Variants in SLC24A2 observed in about 807,000 individuals in gnomAD.
SLC24A2 encodes the protein solute carrier family 24 member 2, also known as sodium/potassium/calcium exchanger 2.
Under a neutral mutation model 62.0 loss-of-function variants are expected in SLC24A2, and 36 were observed. The ratio of observed to expected loss-of-function variants is 0.58; its 90% confidence interval spans 0.44 to 0.77. The LOEUF (loss-of-function observed/expected upper bound fraction) is 0.77, where lower values mean the gene tolerates loss of function less well. Among genes scored for constraint, SLC24A2 ranks in the 30% least tolerant of loss-of-function variants. The pLI, the probability that SLC24A2 is intolerant of heterozygous loss-of-function variation, is 0.00. For missense variants in SLC24A2, 846 were observed against 817.9 expected, an observed-to-expected ratio of 1.03 and a Z score of -0.42; for synonymous variants, 358 against 294.0, an observed-to-expected ratio of 1.22 and a Z score of -2.23.
chr9:19,874,034 AT>A, the SLC24A2 span, among the ~76,000 whole-genome samples: 1 of 151,666 alleles, frequency 6.6e-6, no homozygotes, highest in Admixed American at 6.6e-5. Context: ...TAAAAATTCT[AT>A]AAACTCGTAC....
At chr9:20,306,978 CTTA>C in the SLC24A2 span, among the ~76,000 whole-genome samples, 1 of 152,042 alleles carries the variant, frequency 6.6e-6, no homozygotes, top group Non-Finnish European at 1.5e-5. Flanking sequence ...GATTACAGAT[CTTA>C]ATGTTATTTT....
chr9:20,156,075 T>C, the SLC24A2 span, among the ~76,000 whole-genome samples: 1 of 151,792 alleles, frequency 6.6e-6, no homozygotes, highest in Admixed American at 6.6e-5. Context: ...TTCCCTCAGG[T>C]AATTAGTTTC....
At chr9:20,010,454 G>A in the SLC24A2 span, among the ~76,000 whole-genome samples, 1 of 152,062 alleles carries the variant, frequency 6.6e-6, no homozygotes, top group Non-Finnish European at 1.5e-5. Flanking sequence ...TAATCCTCTT[G>A]AAGAAGTTCA....
At chr9:19,788,507 TA>T (rs1206069913) in intron 1 of SLC24A2, 1 of 985,170 alleles carries the variant, frequency 1.0e-6, no homozygotes, top group Non-Finnish European at 1.2e-6. Context: ...AATAGGAAAA[TA>T]AATCTAAAGG....
At chr9:20,218,360 C>G in the SLC24A2 span, among the ~76,000 whole-genome samples, 3 of 152,086 alleles carry the variant, frequency 2.0e-5, no homozygotes, top group Non-Finnish European at 4.4e-5. Context: ...CTGTTCTAGC[C>G]TACAATCCTT....
the SLC24A2 span, among the ~76,000 whole-genome samples, chr9:20,100,180 G>GTT: frequency 2.0e-5 from 3 of 151,418 alleles, no homozygotes; most frequent in Non-Finnish European, 2.9e-5. Context: ...CTAACTTTTT[G>GTT]TGTGTGTGTG....
At chr9:19,887,524 TG>T in the SLC24A2 span, among the ~76,000 whole-genome samples, 2 of 152,060 alleles carry the variant, frequency 1.3e-5, no homozygotes, top group Non-Finnish European at 2.9e-5. Flanking sequence ...CCTGCAAGAA[TG>T]GCTGTAATAA....
At chr9:19,567,544 C>CAA (rs747824353) in intron 7 of SLC24A2, among the ~76,000 whole-genome samples, 7,206 of 37,840 alleles carry the variant, frequency 0.19, 316 homozygotes, top group Non-Finnish European at 0.31. Context: ...GACTCCATCT[C>CAA]AAAAAAAAAA....
the SLC24A2 span, among the ~76,000 whole-genome samples, chr9:20,240,271 C>T: frequency 6.6e-6 from 1 of 152,172 alleles, no homozygotes; most frequent in Non-Finnish European, 1.5e-5. Flanking sequence ...TTTCCATCTT[C>T]AAAGGAGCCT....
At chr9:20,008,993 T>C in the SLC24A2 span, among the ~76,000 whole-genome samples, 2 of 152,170 alleles carry the variant, frequency 1.3e-5, no homozygotes, top group South Asian at 4.1e-4. Flanking sequence ...CCCCTTAGAC[T>C]GCAGAACTGA....
intron 2 of SLC24A2, among the ~76,000 whole-genome samples, chr9:19,664,881 T>C (rs1305648943): frequency 6.6e-6 from 1 of 152,192 alleles, no homozygotes; most frequent in Non-Finnish European, 1.5e-5. Context: ...TGAGCATGGC[T>C]CTGCCAATAC....
At chr9:19,643,506 G>A (rs930361273) in intron 2 of SLC24A2, among the ~76,000 whole-genome samples, 1 of 152,208 alleles carries the variant, frequency 6.6e-6, no homozygotes. Context: ...CTGTATGCAG[G>A]GTGTTTGCTA....
chr9:19,917,093 T>A, the SLC24A2 span, among the ~76,000 whole-genome samples: 1 of 150,734 alleles, frequency 6.6e-6, no homozygotes, highest in Non-Finnish European at 1.5e-5. Context: ...TTTTTATTCT[T>A]ATTTTAATTT....
At chr9:19,544,686 C>T (rs7851357) in intron 8 of SLC24A2, among the ~76,000 whole-genome samples, 11,688 of 152,096 alleles carry the variant, frequency 0.077, 1,500 homozygotes, top group African/African-American at 0.27. Flanking sequence ...CCTTCACTTA[C>T]GAAACTGAGT....
chr9:20,226,440 C>A, the SLC24A2 span, among the ~76,000 whole-genome samples: 1 of 152,152 alleles, frequency 6.6e-6, no homozygotes, highest in Non-Finnish European at 1.5e-5. Context: ...AATGTAAACT[C>A]ACAGCCTTTA....
intron 2 of SLC24A2, among the ~76,000 whole-genome samples, chr9:19,640,247 T>C (rs1199978969): frequency 6.6e-6 from 1 of 152,246 alleles, no homozygotes; most frequent in Non-Finnish European, 1.5e-5. Flanking sequence ...CTCCTGCTGT[T>C]ATTAAACCAT....
chr9:19,867,495 T>A, the SLC24A2 span, among the ~76,000 whole-genome samples: 2 of 152,186 alleles, frequency 1.3e-5, no homozygotes, highest in Non-Finnish European at 2.9e-5. Flanking sequence ...CCTTTTTAGT[T>A]TTTTTTCTCT....
the SLC24A2 span, chr9:19,929,993 T>G: frequency 6.6e-6 from 1 of 152,220 alleles, no homozygotes; most frequent in African/African-American, 2.4e-5. Flanking sequence ...TATTTGTGTT[T>G]TAAGCTAAGT....
the SLC24A2 span, among the ~76,000 whole-genome samples, chr9:20,154,038 T>C: frequency 2.0e-5 from 3 of 152,012 alleles, no homozygotes; most frequent in South Asian, 6.2e-4. Flanking sequence ...GTTCTAAATA[T>C]GGATATTTTG....
Sources: gnomAD v4.1 joint callset for allele counts (sites outside exome capture counted in the v4.1 genomes callset) on GRCh38, gnomAD v4.1.1 for gene constraint, MANE v1.5 for transcripts, NCBI Gene and HGNC (gene_info 2026-07-23, HGNC 2026-07-21) for gene names.